The following EPB41L5 variants were observed in gnomAD, a reference collection of about 807,000 sequenced individuals.
The protein encoded by EPB41L5 is erythrocyte membrane protein band 4.1 like 5.
A neutral mutation model predicts 106.6 loss-of-function variants in EPB41L5; 55 were observed. The observed-to-expected ratio is 0.52, with a 90% CI of 0.42 to 0.65. The LOEUF (loss-of-function observed/expected upper bound fraction) is 0.65, where lower values mean the gene tolerates loss of function less well. EPB41L5 is among the 30% of genes least tolerant of loss of function. The pLI, the probability that EPB41L5 is intolerant of heterozygous loss-of-function variation, is 0.00. For missense variants in EPB41L5, 871 were observed against 882.1 expected (o/e 0.99, Z 0.16); for synonymous variants, 297 against 306.7 (o/e 0.97, Z 0.33).
chr2:120,131,702 A>G lies in EPB41L5; in HGVS notation c.1586A>G (p.Asn529Ser), dbSNP rs866348768. ...LLSPRSNIDV[N>S]INSQEEVVKL... ...TCCCCTCGATCCAACATCGATGTTA[A>G]CATAAACAGCCAGGTATTCAGATTT... Residue 529 changes from asparagine (N) to serine (S), a missense_variant, in exon 18 of 25, where the codon AAC becomes AGC. Asn to Ser is a conservative substitution (Grantham distance 46). Coordinates refer to ENST00000263713, the MANE Select transcript of EPB41L5 (RefSeq NM_020909.4). 6.2e-7 allele frequency: 1 copy of G among 1,613,344 alleles called. No individual in the cohort carries two copies. The highest frequency in any genetic ancestry group is 1.1e-5 in the South Asian group (1 of 91,056).
intron 10 of EPB41L5, among the ~76,000 whole-genome samples, chr2:120,085,986 A>G (rs1683027920): frequency 6.6e-6 from 1 of 152,236 alleles, no homozygotes; most frequent in African/African-American, 2.4e-5. Flanking sequence ...ACCTGAGGTC[A>G]GGAGTTCAAG....
chr2:120,118,003 G>A (rs1665063), intron 16 of EPB41L5, among the ~76,000 whole-genome samples: 152,003 of 152,358 alleles, frequency 1, 75,826 homozygotes, highest in Middle Eastern at 1. Flanking sequence ...TTTTCTGTGC[G>A]AAAGTTTTAA....
chr2:120,120,923 C>T (rs1685189898), intron 16 of EPB41L5, among the ~76,000 whole-genome samples: 1 of 152,152 alleles, frequency 6.6e-6, no homozygotes. Context: ...CGAGACCAGC[C>T]CGGCCAACAT....
At chr2:120,149,619 T>C (rs924366586) in intron 20 of EPB41L5, among the ~76,000 whole-genome samples, 5 of 152,334 alleles carry the variant, frequency 3.3e-5, no homozygotes, top group Non-Finnish European at 2.9e-5. Context: ...TACCACAGTT[T>C]GTTTATTCAT....
intron 20 of EPB41L5, among the ~76,000 whole-genome samples, chr2:120,153,936 ATTCT>A (rs1202037707): frequency 2.0e-5 from 3 of 152,158 alleles, no homozygotes; most frequent in Admixed American, 6.6e-5. Context: ...ATTTTAAAAA[ATTCT>A]TTCTGCCACT....
intron 16 of EPB41L5, among the ~76,000 whole-genome samples, chr2:120,122,392 A>G (rs1685258644): frequency 6.6e-6 from 1 of 152,182 alleles, no homozygotes; most frequent in South Asian, 2.1e-4. Context: ...CTTTCTACAT[A>G]TGGCTAGCCA....
Position 120,165,634 on chromosome 2 carries a change from A to G in EPB41L5, c.1962+724A>G, listed in dbSNP as rs1245789663. On this transcript the variant is annotated intron_variant, in intron 22 of 24. Coordinates refer to ENST00000263713, the MANE Select transcript of EPB41L5 (RefSeq NM_020909.4). ...CACAACTCATGGATATGGAGGGCCA[A>G]CTGAAACAGTTCCTTCCCTCCAGGG... 3.3e-5 allele frequency among the ~76,000 whole-genome samples: 5 copies of G among 152,308 alleles called. No individual in the cohort carries two copies. The East Asian group carries it at 9.6e-4, about 29-fold the overall frequency.
chr2:120,019,793 C>T (rs1415827142), intron 2 of EPB41L5, among the ~76,000 whole-genome samples: 10 of 152,096 alleles, frequency 6.6e-5, no homozygotes, highest in Admixed American at 6.5e-5. Flanking sequence ...TTCTTCATAC[C>T]CCTCAGCTCT....
At chr2:120,104,238 T>G (rs758852776) in intron 16 of EPB41L5, 4 of 1,535,340 alleles carry the variant, frequency 2.6e-6, no homozygotes, top group Non-Finnish European at 3.5e-6. Flanking sequence ...GACTGAGATA[T>G]GAGTGTTGAG....
intron 10 of EPB41L5, among the ~76,000 whole-genome samples, chr2:120,080,478 G>A (rs1682572003): frequency 6.6e-6 from 1 of 152,148 alleles, no homozygotes; most frequent in African/African-American, 2.4e-5. Flanking sequence ...TGGTGTATAT[G>A]TGCCACATTT....
intron 3 of EPB41L5, among the ~76,000 whole-genome samples, chr2:120,072,801 G>C (rs1014239369): frequency 1.3e-4 from 20 of 152,202 alleles, no homozygotes; most frequent in Admixed American, 4.6e-4. Flanking sequence ...GACTAGGGGA[G>C]GGATACCATT....
intron 3 of EPB41L5, among the ~76,000 whole-genome samples, chr2:120,053,444 C>A (rs956359343): frequency 3.3e-5 from 5 of 152,160 alleles, no homozygotes; most frequent in Admixed American, 3.3e-4. Context: ...ATCACTAATT[C>A]CAGAACATTT....
At chr2:120,084,001 C>G (rs982036163) in intron 10 of EPB41L5, among the ~76,000 whole-genome samples, 9 of 152,108 alleles carry the variant, frequency 5.9e-5, no homozygotes, top group African/African-American at 9.7e-5. Flanking sequence ...TGTCTCTGCA[C>G]GTGAGATGGG....
chr2:120,153,626 T>C (rs147778546), intron 20 of EPB41L5, among the ~76,000 whole-genome samples: 84 of 152,302 alleles, frequency 5.5e-4, no homozygotes, highest in East Asian at 4.0e-3. Context: ...TTGTCTATTT[T>C]CCCCCCTCAG....
chr2:120,156,546 C>T (rs1686909535), intron 20 of EPB41L5, among the ~76,000 whole-genome samples: 1 of 152,178 alleles, frequency 6.6e-6, no homozygotes. Flanking sequence ...CTCCCGTGTC[C>T]CATCAACTGC....
chr2:120,099,208 T>C (rs1418767043), intron 14 of EPB41L5, among the ~76,000 whole-genome samples: 2 of 152,206 alleles, frequency 1.3e-5, no homozygotes, highest in Non-Finnish European at 2.9e-5. Context: ...AATTTCTTAC[T>C]TCAGGGATAC....
chr2:120,164,790 A>G, intron 21 of EPB41L5, 46 bp from the exon 22 acceptor site: 1 of 1,379,358 alleles, frequency 7.2e-7, no homozygotes. Context: ...TTAACATCTG[A>G]TGATAAAGGG....
chr2:120,045,815 G>A (rs189151929), intron 3 of EPB41L5, among the ~76,000 whole-genome samples: 217 of 106,808 alleles, frequency 2.0e-3, no homozygotes, highest in African/African-American at 6.9e-3. Flanking sequence ...TCCCTCCCCC[G>A]TCCCCCCCTC....
intron 3 of EPB41L5, among the ~76,000 whole-genome samples, chr2:120,058,669 T>G (rs1680825472): frequency 6.6e-6 from 1 of 152,218 alleles, no homozygotes; most frequent in African/African-American, 2.4e-5. Context: ...CATTTGCTGT[T>G]AAATAGGTTT....
Sources: gnomAD v4.1 joint callset for allele counts (sites outside exome capture counted in the v4.1 genomes callset) on GRCh38, gnomAD v4.1.1 for gene constraint, MANE v1.5 for transcripts, NCBI Gene and HGNC (gene_info 2026-07-23, HGNC 2026-07-21) for gene names.